The following ADAMTSL1 variants were observed in gnomAD, a reference collection of about 807,000 sequenced individuals.
ADAMTSL1 encodes the protein ADAMTS like 1, also known as ADAMTS-like protein 1.
Under a neutral mutation model 201.8 loss-of-function variants are expected in ADAMTSL1, and 126 were observed. That is an observed-to-expected ratio of 0.62 (90% CI 0.54 to 0.72). ADAMTSL1 has a LOEUF of 0.72. ADAMTSL1 is among the 30% of genes least tolerant of loss of function. ADAMTSL1 has a pLI of 0.00. For synonymous variants in ADAMTSL1, 1,121 were observed against 903.4 expected (o/e 1.24, Z -4.32); for missense variants, 2,679 against 2,277.8 (o/e 1.18, Z -3.59).
intron 1 of ADAMTSL1, among the ~76,000 whole-genome samples, chr9:17,967,459 T>C (rs192394593): frequency 1.3e-5 from 2 of 152,284 alleles, no homozygotes; most frequent in Non-Finnish European, 2.9e-5. Flanking sequence ...TAATACCAGC[T>C]AACATTCATT....
At position 18,144,389 on chromosome 9, in the gene ADAMTSL1, A is replaced by G. The variant is rs569565752; in HGVS notation, c.88-19473A>G. On this transcript the variant is annotated intron_variant, in intron 1 of 29. Coordinates refer to the ADAMTSL1 transcript ENST00000680146. ...CCTGGCTAATTTTTGTATTTTTAGT[A>G]GAGACAGGGTTTCACCTTGTTGGCC... Among the ~76,000 whole-genome samples the G allele has an allele frequency of 5.3e-5, 8 of 152,112 alleles. No homozygotes were observed. In the East Asian group the frequency reaches 1.6e-3, roughly 30 times the overall value.
At chr9:18,044,880 C>A (rs1360057310) in intron 1 of ADAMTSL1, among the ~76,000 whole-genome samples, 1 of 152,128 alleles carries the variant, frequency 6.6e-6, no homozygotes, top group Admixed American at 6.5e-5. Context: ...CTCTCCTGTA[C>A]TATGCAATAT....
chr9:18,899,403 C>T (rs1486212503), intron 26 of ADAMTSL1, among the ~76,000 whole-genome samples: 2 of 152,136 alleles, frequency 1.3e-5, no homozygotes, highest in East Asian at 3.8e-4. Flanking sequence ...ATGCTATTCC[C>T]ATTAAACTAC....
chr9:18,720,697 C>T (rs1245228412), intron 14 of ADAMTSL1, among the ~76,000 whole-genome samples: 2 of 152,088 alleles, frequency 1.3e-5, no homozygotes, highest in Non-Finnish European at 1.5e-5. Flanking sequence ...GCAGGAGAAT[C>T]GCTTGAACCC....
chr9:18,125,602 C>A (rs1279442547), intron 1 of ADAMTSL1, among the ~76,000 whole-genome samples: 1 of 152,170 alleles, frequency 6.6e-6, no homozygotes, highest in East Asian at 1.9e-4. Flanking sequence ...ACATTTTCTG[C>A]ATGGCGAGAT....
At chr9:18,425,264 A>G (rs1365785494) in intron 2 of ADAMTSL1, among the ~76,000 whole-genome samples, 1 of 152,088 alleles carries the variant, frequency 6.6e-6, no homozygotes, top group Non-Finnish European at 1.5e-5. Flanking sequence ...TCACCTAAAA[A>G]AAGAACTGTA....
chr9:18,739,252 G>C (rs1818685214), intron 15 of ADAMTSL1, among the ~76,000 whole-genome samples: 2 of 152,080 alleles, frequency 1.3e-5, no homozygotes, highest in Non-Finnish European at 2.9e-5. Context: ...ATTCAAAAAG[G>C]GTAACTTTCC....
At chr9:17,952,095 C>A (rs570899793) in intron 1 of ADAMTSL1, among the ~76,000 whole-genome samples, 47 of 151,838 alleles carry the variant, frequency 3.1e-4, no homozygotes, top group South Asian at 8.3e-4. Context: ...TGCCTCCATG[C>A]CTGGCTAATT....
intron 5 of ADAMTSL1, among the ~76,000 whole-genome samples, 187 bp from the exon 6 acceptor site, chr9:18,635,756 G>A (rs887930695): frequency 1.3e-5 from 2 of 152,142 alleles, no homozygotes; most frequent in Non-Finnish European, 2.9e-5. Flanking sequence ...CTAGTGACTA[G>A]CATCTTTGGC....
chr9:18,432,119 C>G (rs1819519955), intron 2 of ADAMTSL1, among the ~76,000 whole-genome samples: 2 of 152,086 alleles, frequency 1.3e-5, no homozygotes, highest in African/African-American at 4.8e-5. Context: ...GTCTGTTGTT[C>G]TGGTTGAAAA....
intron 4 of ADAMTSL1, among the ~76,000 whole-genome samples, chr9:18,583,136 A>T (rs1216914197): frequency 6.6e-5 from 10 of 152,200 alleles, no homozygotes; most frequent in Admixed American, 6.5e-4. Context: ...TGCTGAAAAG[A>T]TACCTGAAAA....
chr9:18,708,360 A>C (rs1336438560), intron 14 of ADAMTSL1, among the ~76,000 whole-genome samples: 1 of 152,212 alleles, frequency 6.6e-6, no homozygotes. Flanking sequence ...TTCCAGTTTC[A>C]AACCCTGGAA....
At chr9:18,865,452 T>G (rs1236658776) in intron 23 of ADAMTSL1, among the ~76,000 whole-genome samples, 5 of 152,214 alleles carry the variant, frequency 3.3e-5, no homozygotes, top group African/African-American at 1.2e-4. Flanking sequence ...GTTGGACATT[T>G]GGGTTGGTTC....
chr9:18,547,275 G>A (rs192827075), intron 3 of ADAMTSL1, among the ~76,000 whole-genome samples: 5 of 152,106 alleles, frequency 3.3e-5, no homozygotes, highest in African/African-American at 1.2e-4. Flanking sequence ...GAGCTCAGAG[G>A]ACATCTATGC....
At chr9:18,189,935 C>T (rs973749750) in intron 2 of ADAMTSL1, among the ~76,000 whole-genome samples, 1 of 152,284 alleles carries the variant, frequency 6.6e-6, no homozygotes, top group African/African-American at 2.4e-5. Context: ...AGTCTGTGTG[C>T]TGCATTTTAA....
chr9:18,499,611 A>G (rs1038630025), intron 1 of ADAMTSL1, among the ~76,000 whole-genome samples: 2 of 152,218 alleles, frequency 1.3e-5, no homozygotes, highest in African/African-American at 4.8e-5. Flanking sequence ...TTTTTAATAT[A>G]GAAGTGTGTG....
intron 2 of ADAMTSL1, among the ~76,000 whole-genome samples, chr9:18,320,168 G>T (rs955599605): frequency 6.6e-6 from 1 of 152,176 alleles, no homozygotes; most frequent in Non-Finnish European, 1.5e-5. Context: ...CCTCCAGAGG[G>T]AGTAATCCCT....
rs142063657 is a variant in ADAMTSL1 at position 18,093,704 on chromosome 9, A to G, written c.88-70158A>G. On this transcript the variant is annotated intron_variant, in intron 1 of 29. Coordinates refer to the ADAMTSL1 transcript ENST00000680146. The stretch of plus-strand genomic sequence containing the variant: ...ATAGGCTCTCCTAAAGTTTTTAGCC[A>G]TCCCTGGGTTTCAAAGTATTTGGCA... Among the ~76,000 whole-genome samples, 4 of 152,208 alleles carry G rather than the reference A, an allele frequency of 2.6e-5. No homozygotes were observed. In the South Asian group the frequency reaches 6.2e-4, roughly 24 times the overall value.
intron 15 of ADAMTSL1, chr9:18,722,936 C>T: frequency 1.4e-6 from 1 of 733,264 alleles, no homozygotes; most frequent in East Asian, 2.6e-5. Context: ...CCTAACTTCG[C>T]AGCTCTCTAG....
Sources: gnomAD v4.1 joint callset for allele counts (sites outside exome capture counted in the v4.1 genomes callset) on GRCh38, gnomAD v4.1.1 for gene constraint, MANE v1.5 for transcripts, NCBI Gene and HGNC (gene_info 2026-07-23, HGNC 2026-07-21) for gene names.